NTRK3: variants seen among roughly 807,000 people sequenced by gnomAD.
The protein encoded by NTRK3 is neurotrophic receptor tyrosine kinase 3, also known as NT-3 growth factor receptor.
A neutral mutation model predicts 91.7 loss-of-function variants in NTRK3; 24 were observed. That is an observed-to-expected ratio of 0.26 (90% CI 0.19 to 0.37). The LOEUF (loss-of-function observed/expected upper bound fraction) is 0.37, where lower values mean the gene tolerates loss of function less well. Ranked by LOEUF, NTRK3 falls within the 10% of genes least tolerant of loss-of-function variation. The pLI, the probability that NTRK3 is intolerant of heterozygous loss-of-function variation, is 1.00. For missense variants in NTRK3, 880 were observed against 1,068.9 expected, an observed-to-expected ratio of 0.82 and a Z score of 2.46; for synonymous variants, 483 against 404.0, an observed-to-expected ratio of 1.20 and a Z score of -2.34.
intron 13 of NTRK3, among the ~76,000 whole-genome samples, chr15:88,088,581 T>C (rs971702861): frequency 3.9e-5 from 6 of 152,204 alleles, no homozygotes; most frequent in African/African-American, 1.4e-4. Context: ...ATACTATGCA[T>C]ATACCAGCAT....
intron 13 of NTRK3, among the ~76,000 whole-genome samples, chr15:88,117,981 ACTCCCCTGCCCAGCTTATC>A (rs1328137776): frequency 6.6e-6 from 1 of 151,790 alleles, no homozygotes. Flanking sequence ...ACTCCTCTCT[ACTCCCCTGCCCAGCTTATC>A]CTCCATGAGG....
At chr15:88,013,103 G>T (rs1187739764) in intron 14 of NTRK3, among the ~76,000 whole-genome samples, 1 of 70,696 alleles carries the variant, frequency 1.4e-5, no homozygotes, top group Non-Finnish European at 2.9e-5. Flanking sequence ...CACTGGTAAA[G>T]ACCCACTACC....
At chr15:88,171,270 G>C (rs74027789) in intron 5 of NTRK3, among the ~76,000 whole-genome samples, 1 of 152,216 alleles carries the variant, frequency 6.6e-6, no homozygotes, top group South Asian at 2.1e-4. Context: ...CAATTTCCTC[G>C]TTGAGAATAA....
intron 14 of NTRK3, among the ~76,000 whole-genome samples, chr15:87,991,300 G>T (rs2141490387): frequency 6.6e-6 from 1 of 152,316 alleles, no homozygotes; most frequent in Admixed American, 6.5e-5. Flanking sequence ...GAGTTTGTCA[G>T]AAATGCAGCA....
chr15:87,879,027 T>A (rs111446672), intron 18 of NTRK3, among the ~76,000 whole-genome samples: 43 of 152,208 alleles, frequency 2.8e-4, no homozygotes, highest in African/African-American at 1.0e-3. Context: ...CTAGTATATA[T>A]ACTTTCATTA....
At chr15:88,167,956 C>A (rs1357633014) in intron 5 of NTRK3, among the ~76,000 whole-genome samples, 1 of 152,102 alleles carries the variant, frequency 6.6e-6, no homozygotes. Context: ...ATTATGTCAT[C>A]CAAGTCTTAA....
chr15:88,174,014 G>T (rs1162793760), intron 5 of NTRK3, among the ~76,000 whole-genome samples: 1 of 152,234 alleles, frequency 6.6e-6, no homozygotes, highest in Admixed American at 6.5e-5. Flanking sequence ...TATAGTCAGT[G>T]CTTCACTGAT....
chr15:88,236,776 A>C (rs550919273), intron 3 of NTRK3, among the ~76,000 whole-genome samples: 98 of 151,036 alleles, frequency 6.5e-4, no homozygotes, highest in African/African-American at 8.9e-4. Flanking sequence ...ATTAAAAAAA[A>C]AAAAAAAAAA....
Position 88,191,345 on chromosome 15 carries a change from G to A in NTRK3, c.249-7046C>T, listed in dbSNP as rs117484726. 2.4e-3 allele frequency among the ~76,000 whole-genome samples: 358 copies of A among 152,188 alleles called. 2 individuals are homozygous for A. Among genetic ancestry groups the A allele is most frequent in the Non-Finnish European group, 2.9e-3 (196 of 67,996 alleles). ...TGGGACTATAGGCATGTGTCACCAC[G>A]CCTGGCTGATTTTTGTATTTTTAGT... On this transcript the variant is annotated intron_variant, in intron 3 of 18. Coordinates refer to ENST00000394480, the Ensembl canonical transcript of NTRK3.
At chr15:88,077,502 T>C (rs1188506308) in intron 13 of NTRK3, among the ~76,000 whole-genome samples, 1 of 151,310 alleles carries the variant, frequency 6.6e-6, no homozygotes, top group Non-Finnish European at 1.5e-5. Context: ...CACGTGCAAA[T>C]CAAAACCTTG....
chr15:88,169,428 T>C (rs932272368), intron 5 of NTRK3, among the ~76,000 whole-genome samples: 3 of 152,176 alleles, frequency 2.0e-5, no homozygotes, highest in Non-Finnish European at 2.9e-5. Context: ...AGCACCAAGA[T>C]GCCCCTCTGG....
chr15:87,949,181 G>T (rs1158798608), intron 14 of NTRK3, among the ~76,000 whole-genome samples: 1 of 152,094 alleles, frequency 6.6e-6, no homozygotes, highest in East Asian at 1.9e-4. Flanking sequence ...GTGGCAAAAA[G>T]AAAGGAAAGA....
intron 17 of NTRK3, among the ~76,000 whole-genome samples, chr15:87,891,336 A>T (rs1327542369): frequency 6.6e-6 from 1 of 152,134 alleles, no homozygotes; most frequent in Non-Finnish European, 1.5e-5. Context: ...TATTTGTTTC[A>T]TGTTTGCTTT....
intron 13 of NTRK3, among the ~76,000 whole-genome samples, chr15:88,110,303 C>T (rs955359671): frequency 3.3e-5 from 5 of 152,180 alleles, no homozygotes; most frequent in South Asian, 2.1e-4. Flanking sequence ...TCAGACCTAG[C>T]GTCTTCCTGT....
At chr15:88,033,013 A>C (rs763785589) in exon 14 of NTRK3, 4 of 1,602,072 alleles carry the variant, frequency 2.5e-6, no homozygotes, top group Non-Finnish European at 3.4e-6. Flanking sequence ...GGGCTGGCTG[A>C]GTCCTCCTCA....
At chr15:87,956,683 G>A (rs993836323) in intron 14 of NTRK3, among the ~76,000 whole-genome samples, 1 of 151,730 alleles carries the variant, frequency 6.6e-6, no homozygotes, top group African/African-American at 2.4e-5. Context: ...AATTCTCCCC[G>A]CTTCAGCCTC....
intron 17 of NTRK3, among the ~76,000 whole-genome samples, chr15:87,905,412 T>A (rs78450306): frequency 6.6e-6 from 1 of 152,166 alleles, no homozygotes; most frequent in Non-Finnish European, 1.5e-5. Flanking sequence ...CATAACCTTA[T>A]CAGGAGGTTA....
intron 13 of NTRK3, among the ~76,000 whole-genome samples, chr15:88,044,254 CTTTTTTTTTTTTTTT>C (rs1181028004): frequency 1.3e-5 from 1 of 78,486 alleles, no homozygotes; most frequent in Non-Finnish European, 2.3e-5. Context: ...AGTCTATGTT[CTTTTTTTTTTTTTTT>C]TTTTTTTTTG....
chr15:87,918,011 TTGTA>T (rs2067572526), intron 17 of NTRK3, among the ~76,000 whole-genome samples: 2 of 151,824 alleles, frequency 1.3e-5, no homozygotes, highest in South Asian at 2.1e-4. Context: ...TTTTTTTGTT[TTGTA>T]TTTGTTTGTT....
Sources: allele counts gnomAD v4.1 joint callset (sites outside exome capture counted in the v4.1 genomes callset), GRCh38; gene constraint gnomAD v4.1.1; transcripts MANE v1.5; gene names NCBI Gene and HGNC (gene_info 2026-07-23, HGNC 2026-07-21).